AKAP13: variants seen among roughly 807,000 people sequenced by gnomAD.
The protein encoded by AKAP13 is A-kinase anchoring protein 13.
In AKAP13, 80 loss-of-function variants were observed where a neutral mutation model predicts 264.5. The observed-to-expected ratio is 0.30, with a 90% CI of 0.25 to 0.36. The LOEUF is 0.36. Among genes scored for constraint, AKAP13 ranks in the 10% least tolerant of loss-of-function variants. The pLI, the probability that AKAP13 is intolerant of heterozygous loss-of-function variation, is 1.00. For synonymous variants in AKAP13, 1,380 were observed against 1,250.2 expected, an observed-to-expected ratio of 1.10 and a Z score of -2.19; for missense variants, 3,712 against 3,435.2, an observed-to-expected ratio of 1.08 and a Z score of -2.01.
intron 16 of AKAP13, among the ~76,000 whole-genome samples, chr15:85,687,929 A>G (rs2085038984): frequency 6.6e-6 from 1 of 151,704 alleles, no homozygotes; most frequent in South Asian, 2.1e-4. Context: ...AGTCCTAGCT[A>G]CTCAGGAGGC....
intron 13 of AKAP13, among the ~76,000 whole-genome samples, chr15:85,667,512 TA>T (rs2083669317): frequency 6.6e-6 from 1 of 152,126 alleles, no homozygotes; most frequent in Non-Finnish European, 1.5e-5. Context: ...TAAGGGTAAA[TA>T]AACAGTGAAA....
intron 8 of AKAP13, among the ~76,000 whole-genome samples, chr15:85,614,439 G>A (rs1238233712): frequency 6.6e-6 from 1 of 152,220 alleles, no homozygotes; most frequent in Non-Finnish European, 1.5e-5. Flanking sequence ...TTACTATAGA[G>A]AGAAACTTTT....
At position 85,580,185 on chromosome 15, in the gene AKAP13, C is replaced by A. The variant is rs1213602797; in HGVS notation, c.2117C>A (p.Ala706Asp). The stretch of plus-strand genomic sequence containing the variant: ...CCCAGCTCACAAGATCCACCCGATG[C>A]CTCCCACTGTGAAGACCCACAGGCT... ...RQPSSQDPPD[A>D]SHCEDPQAHT... Residue 706 changes from alanine to aspartate, a missense_variant, in exon 7 of 37, where the codon GCC becomes GAC. By Grantham distance (126) the Ala-to-Asp change is moderately radical (BLOSUM62 -2). This residue lies in a region of AKAP13 where 2,759 missense variants were observed against 2,411.7 expected (regional missense o/e 1.14). Coordinates refer to ENST00000394518, the MANE Select transcript of AKAP13 (RefSeq NM_007200.5). 1 of 1,614,220 alleles carries A rather than the reference C, an allele frequency of 6.2e-7. No individual in the cohort carries two copies. The highest frequency in any genetic ancestry group is 1.1e-5 in the South Asian group (1 of 91,082).
intron 1 of AKAP13, chr15:85,382,183 C>A (rs1008573020): frequency 6.6e-6 from 1 of 152,168 alleles, no homozygotes; most frequent in African/African-American, 2.4e-5. Flanking sequence ...GCCAGAGTGT[C>A]ATTTATTGTT....
intron 8 of AKAP13, among the ~76,000 whole-genome samples, chr15:85,601,841 A>G (rs1255032126): frequency 2.8e-5 from 4 of 144,596 alleles, no homozygotes; most frequent in Non-Finnish European, 6.3e-5. Context: ...TTCATTTACT[A>G]CAATAAACTA....
At chr15:85,395,067 C>G (rs1201471032) in intron 1 of AKAP13, among the ~76,000 whole-genome samples, 1 of 152,142 alleles carries the variant, frequency 6.6e-6, no homozygotes, top group Non-Finnish European at 1.5e-5. Context: ...CATGCAAGTT[C>G]CTTTTAATCA....
chr15:85,493,085 G>A (rs1270593432), intron 2 of AKAP13, among the ~76,000 whole-genome samples: 2 of 152,212 alleles, frequency 1.3e-5, no homozygotes, highest in South Asian at 2.1e-4. Flanking sequence ...GAATATAGGC[G>A]AAAGGGCTAA....
rs559294764 is a variant in AKAP13 at position 85,608,033 on chromosome 15, G to A, written c.4161+22210G>A. ...TACCTCTGCATTTTTTGGAGCGCAT[G>A]ACTGTACAATGGTGTATATTTGCCT... On this transcript the variant is annotated intron_variant, in intron 8 of 36. Transcript: ENST00000394518. Among the ~76,000 whole-genome samples the A allele has an allele frequency of 4.6e-5, 7 of 152,312 alleles. No homozygotes were observed. In the South Asian group the frequency reaches 1.0e-3, roughly 23 times the overall value.
Position 85,582,051 on chromosome 15 carries a change from G to A in AKAP13, c.3983G>A (p.Gly1328Glu). ...GGGAGCCTTGCAGGATGTTTTGCTG[G>A]AAGGGAGGAGCCAGAGAAGATCATT... is the stretch of plus-strand genomic sequence containing the variant. ...ATGSLAGCFA[G>E]REEPEKIILP... The change falls in exon 7 of 37, where the codon GGA (glycine) becomes GAA (glutamate). Residue 1328 changes from glycine (G) to glutamate (E), a missense_variant. By Grantham distance (98) the Gly-to-Glu change is moderately conservative. Coordinates refer to ENST00000394518, the MANE Select transcript of AKAP13 (RefSeq NM_007200.5). 6.2e-7 allele frequency: 1 copy of A among 1,613,774 alleles called. No homozygotes were observed. Among genetic ancestry groups the A allele is most frequent in the Non-Finnish European group, 8.5e-7 (1 of 1,179,898 alleles).
In AKAP13 at chr15:85,708,966, G is replaced by C. The variant is rs1271402431; in HGVS notation, c.5532+880G>C. Among the ~76,000 whole-genome samples the C allele has an allele frequency of 6.6e-6, 1 of 152,184 alleles. No individual in the cohort carries two copies. Among genetic ancestry groups the C allele is most frequent in the Non-Finnish European group, 1.5e-5 (1 of 68,022 alleles). On this transcript the variant is annotated intron_variant, in intron 18 of 36. Coordinates refer to ENST00000394518, the MANE Select transcript of AKAP13 (RefSeq NM_007200.5). The surrounding 1 kb of genome is among the most constrained non-coding windows in gnomAD (Gnocchi z 4.3). ...AATTTGCATTTCTAGTAAGTTCCCA[G>C]ATGATGCTGATAGTCCGAGGACCTT...
Position 85,743,685 on chromosome 15 carries a change from G to A in AKAP13, c.8252G>A (p.Ser2751Asn), listed in dbSNP as rs2089224053. The A allele has an allele frequency of 6.2e-7, 1 of 1,614,140 alleles. No homozygotes were observed. Among genetic ancestry groups the A allele is most frequent in the Non-Finnish European group, 8.5e-7 (1 of 1,180,038 alleles). ...KGPFHILSSTSQTNKGPEGQS... is the reference protein window; with the variant it reads ...KGPFHILSSTNQTNKGPEGQS... ...CCTTTTCACATACTGAGTTCAACCA[G>A]CCAGACAAACAAAGGACCAGAAGGG... The change falls in exon 36 of 37, where the codon AGC (serine) becomes AAC (asparagine). Residue 2751 changes from serine to asparagine, a missense_variant. Physicochemically the swap from Ser to Asn is conservative, Grantham distance 46 (BLOSUM62 1). Around this residue, in one of 3 missense-constraint regions of AKAP13, gnomAD observed 611 missense variants for 539.3 expected, o/e 1.13. Transcript: ENST00000394518.
chr15:85,594,218 G>T (rs113084884), intron 8 of AKAP13, among the ~76,000 whole-genome samples: 1 of 152,104 alleles, frequency 6.6e-6, no homozygotes, highest in Admixed American at 6.5e-5. Context: ...TACTGCAAGG[G>T]TGTACTAATT....
intron 10 of AKAP13, among the ~76,000 whole-genome samples, chr15:85,646,183 A>G (rs2082551488): frequency 1.3e-5 from 2 of 152,194 alleles, no homozygotes; most frequent in African/African-American, 4.8e-5. Context: ...GGGTTTAGAA[A>G]AAGGCACTGG....
chr15:85,539,528 A>T (rs1184050369), intron 4 of AKAP13, among the ~76,000 whole-genome samples: 1 of 152,216 alleles, frequency 6.6e-6, no homozygotes, highest in Non-Finnish European at 1.5e-5. Flanking sequence ...GGGGTAGGAG[A>T]GTAGTCCTTG....
chr15:85,746,755 T>G lies in AKAP13; in HGVS notation c.*2078T>G, dbSNP rs2089380062. 1 of 152,236 alleles carries G rather than the reference T, an allele frequency of 6.6e-6. No individual in the cohort carries two copies. Among genetic ancestry groups the G allele is most frequent in the Non-Finnish European group, 1.5e-5 (1 of 68,062 alleles). The allele number at this position is 152,236 out of a possible 1,614,324, so 9.4% of individuals were successfully genotyped here. A position where few individuals can be genotyped will look rare whatever the true frequency, so the allele number is the denominator to read the frequency against. On this transcript the variant is annotated 3_prime_UTR_variant, in exon 37 of 37. Transcript: ENST00000394518. ...GAGATCTACCCGGGGCTTGGCTGTCTGTTCTGGGCACTGGCTCCGAGTTCC... is the reference window on the plus strand; with the variant it reads ...GAGATCTACCCGGGGCTTGGCTGTCGGTTCTGGGCACTGGCTCCGAGTTCC...
At chr15:85,662,322 A>G in intron 12 of AKAP13, 2 of 1,558,506 alleles carry the variant, frequency 1.3e-6, no homozygotes, top group South Asian at 1.1e-5. Context: ...TTTAAACCTA[A>G]TAACCCCATT....
At chr15:85,482,001 G>A (rs539649304) in intron 1 of AKAP13, among the ~76,000 whole-genome samples, 26 of 152,338 alleles carry the variant, frequency 1.7e-4, no homozygotes, top group East Asian at 5.8e-4. Flanking sequence ...TGGTCTTTCA[G>A]TAGGTTTAGT....
At chr15:85,423,474 C>A (rs1336270158) in intron 1 of AKAP13, among the ~76,000 whole-genome samples, 1 of 152,232 alleles carries the variant, frequency 6.6e-6, no homozygotes, top group Non-Finnish European at 1.5e-5. Flanking sequence ...AAGCAACCTG[C>A]CATCTGTTCA....
chr15:85,392,605 C>G (rs918217161), intron 1 of AKAP13, among the ~76,000 whole-genome samples: 5 of 152,042 alleles, frequency 3.3e-5, no homozygotes, highest in African/African-American at 9.6e-5. Flanking sequence ...GAGGTTTTGC[C>G]GTGTTGCCTA....
Sources: gnomAD v4.1 joint callset for allele counts (sites outside exome capture counted in the v4.1 genomes callset) on GRCh38, gnomAD v4.1.1 for gene constraint, gnomAD v4.1.1 regional missense constraint, Gnocchi (gnomAD v3.1) non-coding constraint, MANE v1.5 for transcripts, NCBI Gene and HGNC (gene_info 2026-07-23, HGNC 2026-07-21) for gene names.